The following CSNK1D variants were observed in gnomAD, a reference collection of about 807,000 sequenced individuals.
CSNK1D encodes casein kinase 1 delta, also known as casein kinase I isoform delta.
In CSNK1D, 16 loss-of-function variants were observed where a neutral mutation model predicts 46.6. That is an observed-to-expected ratio of 0.34 (90% CI 0.23 to 0.52). CSNK1D has a LOEUF of 0.52. Ranked by LOEUF, CSNK1D falls within the 20% of genes least tolerant of loss-of-function variation. The pLI is 0.95. For missense variants in CSNK1D, 398 were observed against 578.4 expected (o/e 0.69, Z 3.20); for synonymous variants, 276 against 228.2 (o/e 1.21, Z -1.89).
chr17:82,242,917 G>C lies in CSNK1D; in HGVS notation c.*1864C>G. The C allele has an allele frequency of 1.0e-6, 1 of 985,440 alleles. No individual in the cohort carries two copies. Among genetic ancestry groups the C allele is most frequent in the Non-Finnish European group, 1.2e-6 (1 of 829,930 alleles). 61.0% of individuals were successfully genotyped at this position (985,440 alleles called of 1,614,324 possible). A position where few individuals can be genotyped will look rare whatever the true frequency, so the allele number is the denominator to read the frequency against. ...GAGCTGCCTCGCACAAACGTTCTGG[G>C]CACTACATCGGGACCACAGATATTT... is the stretch of plus-strand genomic sequence containing the variant. On this transcript the variant is annotated 3_prime_UTR_variant, in exon 9 of 9. Coordinates refer to ENST00000314028, the MANE Select transcript of CSNK1D (RefSeq NM_001893.6).
At chr17:82,241,737 GC>G (rs1195677710), downstream of CSNK1D, among the ~76,000 whole-genome samples, 1 of 152,238 alleles carries the variant, frequency 6.6e-6, no homozygotes, top group African/African-American at 2.4e-5. Context: ...AGGCCCGGAA[GC>G]CAGCTCAGAT....
At chr17:82,257,021 A>C (rs2051191314) in intron 2 of CSNK1D, among the ~76,000 whole-genome samples, 1 of 152,138 alleles carries the variant, frequency 6.6e-6, no homozygotes, top group Non-Finnish European at 1.5e-5. Flanking sequence ...GTGCAGTGGC[A>C]CCATCTCGGC....
In CSNK1D at chr17:82,244,430, A is replaced by G; in HGVS notation, c.*351T>C. 2 of 1,261,326 alleles carry G rather than the reference A, an allele frequency of 1.6e-6. No homozygotes were observed. The highest frequency in any genetic ancestry group is 1.0e-6 in the Non-Finnish European group (1 of 992,656). The allele number at this position is 1,261,326 out of a possible 1,614,324, so 78.1% of individuals were successfully genotyped here. On this transcript the variant is annotated 3_prime_UTR_variant, in exon 9 of 9. Coordinates refer to ENST00000314028, the MANE Select transcript of CSNK1D (RefSeq NM_001893.6). ...TACAAAACTGTCTTAACCAAGTAGA[A>G]GATTGGTAGTTACAGTGGAATCGTC...
intron 1 of CSNK1D, among the ~76,000 whole-genome samples, chr17:82,268,679 C>G (rs1432281335): frequency 6.6e-6 from 1 of 152,190 alleles, no homozygotes; most frequent in East Asian, 1.9e-4. Flanking sequence ...AAATTCAACT[C>G]TTCCCTGCAG....
intron 8 of CSNK1D, chr17:82,246,883 G>T: frequency 1.0e-6 from 1 of 985,892 alleles, no homozygotes; most frequent in Non-Finnish European, 1.2e-6. Context: ...GCTCACCCGA[G>T]CAAACAGGTG....
rs1372077530 is a variant in CSNK1D, at chr17:82,250,751, G to C, written c.885+628C>G. On this transcript the variant is annotated intron_variant, in intron 6 of 8. Transcript: ENST00000314028. This position sits in a 1 kb window ranked among gnomAD's most constrained non-coding sequence, Gnocchi z 4.6. ...CTCCATCAGACTGCTGCCTGGAAAA[G>C]CTCCAAATTCTATTTAAAACTGACA... 2 of 165,552 alleles carry C rather than the reference G, an allele frequency of 1.2e-5. No homozygotes were observed. Among genetic ancestry groups the C allele is most frequent in the East Asian group, 3.5e-4 (2 of 5,766 alleles). 10.3% of individuals were successfully genotyped at this position (165,552 alleles called of 1,614,324 possible). A position where few individuals can be genotyped will look rare whatever the true frequency, so the allele number is the denominator to read the frequency against.
intron 1 of CSNK1D, among the ~76,000 whole-genome samples, chr17:82,271,185 C>T (rs989364431): frequency 2.0e-5 from 3 of 152,196 alleles, no homozygotes; most frequent in Admixed American, 6.6e-5. Context: ...AAGCAATTCT[C>T]GTGCCTCAGC....
Position 82,250,932 on chromosome 17 carries a change from G to A in CSNK1D, c.885+447C>T. The A allele has an allele frequency of 3.9e-6, 1 of 256,084 alleles. No individual in the cohort carries two copies. The highest frequency in any genetic ancestry group is 4.3e-5 in the South Asian group (1 of 23,476). The allele number at this position is 256,084 out of a possible 1,614,324, so 15.9% of individuals were successfully genotyped here. A position where few individuals can be genotyped will look rare whatever the true frequency, so the allele number is the denominator to read the frequency against. ...TGCATACTCACACCGCATCAAGAAAGCCACAGGGAAAATCAGCTCATGACA... is the reference window on the plus strand; with the variant it reads ...TGCATACTCACACCGCATCAAGAAAACCACAGGGAAAATCAGCTCATGACA... On this transcript the variant is annotated intron_variant, in intron 6 of 8. Transcript: ENST00000314028. This position sits in a 1 kb window ranked among gnomAD's most constrained non-coding sequence, Gnocchi z 4.6.
intron 2 of CSNK1D, among the ~76,000 whole-genome samples, chr17:82,264,357 T>C (rs1488365107): frequency 6.6e-6 from 1 of 152,216 alleles, no homozygotes; most frequent in Non-Finnish European, 1.5e-5. Context: ...AGACACACGC[T>C]TCATGGCTCT....
chr17:82,247,644 C>T (rs761851591), intron 8 of CSNK1D: 80 of 985,436 alleles, frequency 8.1e-5, no homozygotes, highest in Non-Finnish European at 9.4e-5. Context: ...GGAACTGATG[C>T]GCAAGTGCCA....
At position 82,255,019 on chromosome 17, in the gene CSNK1D, G is replaced by A. The variant is rs985758906; in HGVS notation, c.336+410C>T. On this transcript the variant is annotated intron_variant, in intron 3 of 8. Coordinates refer to ENST00000314028, the MANE Select transcript of CSNK1D (RefSeq NM_001893.6). This position sits in a 1 kb window ranked among gnomAD's most constrained non-coding sequence, Gnocchi z 5.9. ...GAGCCGCCGGAGCCTCGAGAAGCCA[G>A]TGAGCTGAGCCGTCGGAGCCTCGAG... 1 of 353,326 alleles carries A rather than the reference G, an allele frequency of 2.8e-6. No individual in the cohort carries two copies. The highest frequency in any genetic ancestry group is 5.3e-6 in the Non-Finnish European group (1 of 188,408). The allele number at this position is 353,326 out of a possible 1,614,324, so 21.9% of individuals were successfully genotyped here.
Position 82,250,348 on chromosome 17 carries a change from C to T in CSNK1D, c.886-746G>A, listed in dbSNP as rs1041949202. 1.4e-5 allele frequency: 7 copies of T among 500,456 alleles called. No homozygotes were observed. Among genetic ancestry groups the T allele is most frequent in the African/African-American group, 9.9e-5 (5 of 50,476 alleles). The allele number at this position is 500,456 out of a possible 1,614,324, so 31.0% of individuals were successfully genotyped here. On this transcript the variant is annotated intron_variant, in intron 6 of 8. Transcript: ENST00000314028. The surrounding 1 kb of genome is among the most constrained non-coding windows in gnomAD (Gnocchi z 4.6). ...ACACACCTGCGGCTGCAGCACCGTGCGGCCAGCACCGCCCAGACTCCTCAT... is the reference window on the plus strand; with the variant it reads ...ACACACCTGCGGCTGCAGCACCGTGTGGCCAGCACCGCCCAGACTCCTCAT...
chr17:82,264,107 G>A (rs1354961000), intron 2 of CSNK1D, among the ~76,000 whole-genome samples: 1 of 152,220 alleles, frequency 6.6e-6, no homozygotes, highest in Non-Finnish European at 1.5e-5. Context: ...CTTGTGCTGA[G>A]AAAAGATGTC....
Position 82,255,284 on chromosome 17 carries a change from G to A in CSNK1D, c.336+145C>T. 2.1e-6 allele frequency: 2 copies of A among 970,038 alleles called. No homozygotes were observed. The highest frequency in any genetic ancestry group is 3.2e-6 in the Non-Finnish European group (2 of 618,060). The allele number at this position is 970,038 out of a possible 1,614,324, so 60.1% of individuals were successfully genotyped here. On this transcript the variant is annotated intron_variant, in intron 3 of 8. Coordinates refer to ENST00000314028, the MANE Select transcript of CSNK1D (RefSeq NM_001893.6). This position sits in a 1 kb window ranked among gnomAD's most constrained non-coding sequence, Gnocchi z 5.9. ...GAGCCTCGAGAAGCCAGTGAGCTGA[G>A]CCACTGCAGCCTCAAGGCTGAGGCT...
intron 2 of CSNK1D, among the ~76,000 whole-genome samples, chr17:82,259,476 A>G (rs2051269015): frequency 6.6e-6 from 1 of 152,220 alleles, no homozygotes; most frequent in Non-Finnish European, 1.5e-5. Context: ...GCAGGGGGGA[A>G]TGGAAATCTA....
At chr17:82,240,332 GAGCAGACGAGGAGGTGGGGAGCAGGC>G (rs1488992148), downstream of CSNK1D, among the ~76,000 whole-genome samples, 1 of 151,988 alleles carries the variant, frequency 6.6e-6, no homozygotes, top group African/African-American at 2.4e-5. Flanking sequence ...AGGAGGCAGG[GAGCAGACGAGGAGGTGGGGAGCAGGC>G]AGCCCGGGCC....
At chr17:82,245,858 A>T in intron 8 of CSNK1D, 1 of 1,040,428 alleles carries the variant, frequency 9.6e-7, no homozygotes, top group Non-Finnish European at 1.4e-6. Context: ...AAGAAGCCTC[A>T]CTCTACCTCC....
In CSNK1D at chr17:82,273,555, G is replaced by C; in HGVS notation, c.-174C>G. Reference sequence around the variant, plus strand: ...CCCGCCGCTCCCAGCGCCTCAATACGGGGCGGATGGGACAGTCCGAGCGCC... The same window carrying C: ...CCCGCCGCTCCCAGCGCCTCAATACCGGGCGGATGGGACAGTCCGAGCGCC... On this transcript the variant is annotated 5_prime_UTR_variant, in exon 1 of 9. Transcript: ENST00000314028. The surrounding 1 kb of genome is among the most constrained non-coding windows in gnomAD (Gnocchi z 5.1). 1 of 767,522 alleles carries C rather than the reference G, an allele frequency of 1.3e-6. No homozygotes were observed. The allele number at this position is 767,522 out of a possible 1,614,324, so 47.5% of individuals were successfully genotyped here. A position where few individuals can be genotyped will look rare whatever the true frequency, so the allele number is the denominator to read the frequency against.
chr17:82,250,258 G>A lies in CSNK1D; in HGVS notation c.886-656C>T. ...TACAGCCCCGGGGCCAAACCCAGGTGCCACTTCTTCCTGCAAGTACAGCTC... is the reference window on the plus strand; with the variant it reads ...TACAGCCCCGGGGCCAAACCCAGGTACCACTTCTTCCTGCAAGTACAGCTC... On this transcript the variant is annotated intron_variant, in intron 6 of 8. Transcript: ENST00000314028. The surrounding 1 kb of genome is among the most constrained non-coding windows in gnomAD (Gnocchi z 4.6). 8.0e-7 allele frequency: 1 copy of A among 1,249,296 alleles called. No homozygotes were observed. Among genetic ancestry groups the A allele is most frequent in the Non-Finnish European group, 1.1e-6 (1 of 952,346 alleles). The allele number at this position is 1,249,296 out of a possible 1,614,324, so 77.4% of individuals were successfully genotyped here.
Sources: gnomAD v4.1 joint callset for allele counts (sites outside exome capture counted in the v4.1 genomes callset) on GRCh38, gnomAD v4.1.1 for gene constraint, Gnocchi (gnomAD v3.1) non-coding constraint, MANE v1.5 for transcripts, NCBI Gene and HGNC (gene_info 2026-07-23, HGNC 2026-07-21) for gene names.